The following FDFT1 variants were observed in gnomAD, a reference collection of about 807,000 sequenced individuals.
FDFT1 encodes squalene synthase.
Under a neutral mutation model 46.8 loss-of-function variants are expected in FDFT1, and 68 were observed. That is an observed-to-expected ratio of 1.45 (90% CI 1.19 to 1.78). The LOEUF is 1.78. Among genes scored for constraint, FDFT1 ranks in the 40% most tolerant of loss-of-function variants. The pLI is 0.00. For synonymous variants in FDFT1, 351 were observed against 185.1 expected (o/e 1.90, Z -7.28); for missense variants, 928 against 524.4 (o/e 1.77, Z -7.52).
rs1015090955 is a variant in FDFT1, at chr8:11,831,940, G to A, written c.1032+270G>A. On this transcript the variant is annotated intron_variant, in intron 7 of 7. Transcript: ENST00000220584. ...TCAGTAGAATCATAGATTTTGAGCT[G>A]CAAGATGATGCAGGAGGCCAACCAA... 8 of 338,170 alleles carry A rather than the reference G, an allele frequency of 2.4e-5. No individual in the cohort carries two copies. In the Admixed American group the frequency reaches 2.6e-4, roughly 11 times the overall value. 20.9% of individuals were successfully genotyped at this position (338,170 alleles called of 1,614,324 possible). A position where few individuals can be genotyped will look rare whatever the true frequency, so the allele number is the denominator to read the frequency against.
At chr8:11,838,328 A>G (rs976474009) in intron 7 of FDFT1, 60 bp from the exon 8 acceptor site, 122 of 1,323,888 alleles carry the variant, frequency 9.2e-5, no homozygotes, top group Non-Finnish European at 1.3e-4. Flanking sequence ...GGTTGTTGTA[A>G]GTAGCCATGG....
At chr8:11,804,929 G>GT (rs937560613) in intron 1 of FDFT1, among the ~76,000 whole-genome samples, 47 of 146,362 alleles carry the variant, frequency 3.2e-4, no homozygotes, top group African/African-American at 6.6e-4. Flanking sequence ...TTTTTTTGAG[G>GT]GGGGGGTCTC....
chr8:11,831,069 C>A (rs1373637241), intron 6 of FDFT1, among the ~76,000 whole-genome samples: 1 of 152,156 alleles, frequency 6.6e-6, no homozygotes, highest in Non-Finnish European at 1.5e-5. Flanking sequence ...GGAAATTAAT[C>A]CCCTTCTGGT....
chr8:11,804,841 T>C (rs955064045), intron 1 of FDFT1, among the ~76,000 whole-genome samples: 88 of 151,378 alleles, frequency 5.8e-4, no homozygotes, highest in African/African-American at 2.1e-3. Flanking sequence ...ACTCTTGACC[T>C]CAAGTGATCT....
At chr8:11,816,788 C>T (rs1808518496) in intron 3 of FDFT1, among the ~76,000 whole-genome samples, 1 of 152,190 alleles carries the variant, frequency 6.6e-6, no homozygotes, top group African/African-American at 2.4e-5. Flanking sequence ...ATGGGGTTTT[C>T]TAAATATACA....
intron 7 of FDFT1, among the ~76,000 whole-genome samples, chr8:11,832,340 A>G (rs1810919067): frequency 1.3e-5 from 2 of 151,886 alleles, no homozygotes; most frequent in South Asian, 4.2e-4. Context: ...GGATCACTTG[A>G]GGCCAGGAAT....
chr8:11,819,631 C>G (rs573066835), intron 3 of FDFT1, among the ~76,000 whole-genome samples: 6 of 151,818 alleles, frequency 4.0e-5, no homozygotes, highest in Non-Finnish European at 8.8e-5. Flanking sequence ...TCTGCTTGAT[C>G]GAATCGGCTA....
At chr8:11,810,898 A>C (rs1376374765) in intron 3 of FDFT1, among the ~76,000 whole-genome samples, 1 of 149,126 alleles carries the variant, frequency 6.7e-6, no homozygotes, top group East Asian at 2.0e-4. Context: ...CAAACAAAAG[A>C]ATCTTTGATT....
Position 11,826,150 on chromosome 8 carries a change from AAAAC to A in FDFT1, c.643_646del (p.Asn215SerfsTer28). On this transcript the variant is annotated frameshift_variant, in exon 5 of 8. Transcript: ENST00000220584. LOFTEE classifies it high-confidence loss of function. ...CAACTCTATGGGCCTGTTTTTGCAGAAAACAAACATCATCCGTGACTATCTGGAA... is the reference window on the plus strand; with the variant it reads ...CAACTCTATGGGCCTGTTTTTGCAGAAAACATCATCCGTGACTATCTGGAA... 3 of 1,605,234 alleles carry A rather than the reference AAAAC, an allele frequency of 1.9e-6. No individual in the cohort carries two copies. The highest frequency in any genetic ancestry group is 2.6e-6 in the Non-Finnish European group (3 of 1,173,138).
In FDFT1 at chr8:11,838,622, C is replaced by G. The variant is rs376982798; in HGVS notation, c.*13C>G. On this transcript the variant is annotated 3_prime_UTR_variant, in exon 8 of 8. Coordinates refer to ENST00000220584, the MANE Select transcript of FDFT1 (RefSeq NM_004462.5). ...TGGAGAACACTGATCCCAAATTTGT[C>G]CATAGCTGAAGTCCACCATAAAGTG... 30 of 1,587,052 alleles carry G rather than the reference C, an allele frequency of 1.9e-5. No individual in the cohort carries two copies. The highest frequency in any genetic ancestry group is 1.2e-4 in the Admixed American group (7 of 59,976).
In FDFT1 at chr8:11,826,206, G is replaced by A; in HGVS notation, c.693G>A (p.Trp231Ter). The part of the protein sequence containing the change: ...LEDQQGGREF[W>*]PQEVWSRYVK... ...ACCAGCAAGGAGGAAGAGAGTTCTG[G>A]CCTCAAGAGGTAACAGATTCAGGGT... is the stretch of plus-strand genomic sequence containing the variant. Residue 231 changes from tryptophan to a stop codon, truncating the protein, a stop_gained, in exon 5 of 8, where the codon TGG becomes TGA. Coordinates refer to ENST00000220584, the MANE Select transcript of FDFT1 (RefSeq NM_004462.5). LOFTEE classifies it high-confidence loss of function. The A allele has an allele frequency of 1.9e-6, 3 of 1,542,296 alleles. No individual in the cohort carries two copies. The highest frequency in any genetic ancestry group is 1.2e-5 in the South Asian group (1 of 83,482).
chr8:11,816,350 G>C (rs1808447582), intron 3 of FDFT1, among the ~76,000 whole-genome samples: 1 of 152,168 alleles, frequency 6.6e-6, no homozygotes, highest in African/African-American at 2.4e-5. Context: ...TGGCTATGCA[G>C]GCTCTTTTTT....
chr8:11,836,456 C>A (rs558928234), intron 7 of FDFT1, among the ~76,000 whole-genome samples: 66 of 152,348 alleles, frequency 4.3e-4, no homozygotes, highest in Non-Finnish European at 7.8e-4. Context: ...CCCCACAACC[C>A]AGAGGAGGTG....
intron 4 of FDFT1, among the ~76,000 whole-genome samples, chr8:11,825,073 A>C (rs1809779219): frequency 6.6e-6 from 1 of 152,178 alleles, no homozygotes. Flanking sequence ...AAGAACATAA[A>C]ATAGTTATTT....
upstream of FDFT1, among the ~76,000 whole-genome samples, chr8:11,797,530 G>T (rs923211568): frequency 0.013 from 98 of 7,710 alleles, 1 homozygote; most frequent in Non-Finnish European, 0.028. Context: ...TGCATTTAAA[G>T]AACAGATAAT....
At chr8:11,797,053 T>A (rs1427840269) in intron 1 of FDFT1, among the ~76,000 whole-genome samples, 1 of 152,164 alleles carries the variant, frequency 6.6e-6, no homozygotes, top group Non-Finnish European at 1.5e-5. Flanking sequence ...AACTTCTGGG[T>A]TGTTGGGTCA....
intron 1 of FDFT1, 186 bp from the exon 2 acceptor site, chr8:11,808,608 G>A (rs1010363911): frequency 2.2e-6 from 3 of 1,389,720 alleles, no homozygotes; most frequent in Middle Eastern, 2.2e-4. Flanking sequence ...GGGCCCGGGC[G>A]CAGGCACCGC....
In FDFT1 at chr8:11,838,503, C is replaced by G. The variant is rs1203733813; in HGVS notation, c.1148C>G (p.Ser383Cys). 2 of 1,606,768 alleles carry G rather than the reference C, an allele frequency of 1.2e-6. No individual in the cohort carries two copies. The highest frequency in any genetic ancestry group is 3.4e-5 in the Admixed American group (2 of 59,190). ...NCQLISRSHY[S>C]PIYLSFVMLL... Reference sequence around the variant, plus strand: ...CAGCTGATTTCCCGAAGCCACTACTCCCCCATCTACCTGTCGTTTGTCATG... The same window carrying G: ...CAGCTGATTTCCCGAAGCCACTACTGCCCCATCTACCTGTCGTTTGTCATG... The change falls in exon 8 of 8, where the codon TCC becomes TGC. Residue 383 changes from serine to cysteine, a missense_variant. Transcript: ENST00000220584.
At chr8:11,817,371 A>G (rs1808603876) in intron 3 of FDFT1, among the ~76,000 whole-genome samples, 1 of 151,814 alleles carries the variant, frequency 6.6e-6, no homozygotes, top group South Asian at 2.1e-4. Flanking sequence ...TATCAGGATG[A>G]TGCTGGCCTC....
Sources: allele counts gnomAD v4.1 joint callset (sites outside exome capture counted in the v4.1 genomes callset), GRCh38; gene constraint gnomAD v4.1.1; transcripts MANE v1.5; gene names NCBI Gene and HGNC (gene_info 2026-07-23, HGNC 2026-07-21).